CTNNA2: variants seen among roughly 807,000 people sequenced by gnomAD.
CTNNA2 encodes catenin alpha 2, also known as catenin alpha-2.
A neutral mutation model predicts 101.0 loss-of-function variants in CTNNA2; 42 were observed. That is an observed-to-expected ratio of 0.42 (90% CI 0.32 to 0.54). The LOEUF (loss-of-function observed/expected upper bound fraction) is 0.54. CTNNA2 is among the 20% of genes least tolerant of loss of function. CTNNA2 has a pLI of 0.14. For synonymous variants in CTNNA2, 450 were observed against 456.4 expected, an observed-to-expected ratio of 0.99 and a Z score of 0.18; for missense variants, 871 against 1,223.1, an observed-to-expected ratio of 0.71 and a Z score of 4.29.
intron 7 of CTNNA2, among the ~76,000 whole-genome samples, chr2:80,332,645 T>C (rs981077546): frequency 1.3e-5 from 2 of 152,192 alleles, no homozygotes; most frequent in African/African-American, 4.8e-5. Context: ...AGAAAACATT[T>C]AAGAAATCAA....
intron 9 of CTNNA2, among the ~76,000 whole-genome samples, chr2:80,429,693 T>C (rs1681313380): frequency 6.6e-6 from 1 of 152,202 alleles, no homozygotes; most frequent in African/African-American, 2.4e-5. Flanking sequence ...TGCAGAAGAA[T>C]TCTTATATAC....
At chr2:80,129,498 T>A (rs893940464) in intron 7 of CTNNA2, among the ~76,000 whole-genome samples, 12 of 152,112 alleles carry the variant, frequency 7.9e-5, no homozygotes, top group Non-Finnish European at 1.5e-4. Flanking sequence ...TATGTTGGAA[T>A]CCCTAGACAC....
chr2:79,806,796 C>G (rs919605742), intron 3 of CTNNA2, among the ~76,000 whole-genome samples: 3 of 152,000 alleles, frequency 2.0e-5, no homozygotes, highest in Non-Finnish European at 4.4e-5. Context: ...GGATAAGTCT[C>G]TTCTTGAGTT....
chr2:79,339,304 T>C (rs913844030), intron 3 of CTNNA2, among the ~76,000 whole-genome samples: 2 of 152,062 alleles, frequency 1.3e-5, no homozygotes, highest in East Asian at 3.9e-4. Context: ...GAGTGTTGAG[T>C]GCTGCCAAGA....
chr2:80,376,524 A>C (rs1675970038), intron 7 of CTNNA2, among the ~76,000 whole-genome samples: 1 of 152,028 alleles, frequency 6.6e-6, no homozygotes, highest in Admixed American at 6.5e-5. Context: ...TAGTTTTATT[A>C]GTGTTTTAGC....
chr2:80,591,751 G>A (rs1696531240), intron 15 of CTNNA2, among the ~76,000 whole-genome samples: 1 of 151,888 alleles, frequency 6.6e-6, no homozygotes, highest in East Asian at 1.9e-4. Flanking sequence ...TTATTATCTT[G>A]TTGTTTTATT....
intron 1 of CTNNA2, among the ~76,000 whole-genome samples, chr2:79,583,478 G>GAT (rs1199187165): frequency 5.1e-4 from 77 of 151,228 alleles, no homozygotes; most frequent in African/African-American, 1.6e-3. Flanking sequence ...GATTCTTGTT[G>GAT]ATATATATAT....
At chr2:79,895,691 A>ATTTTTTTTTT (rs757762487) in intron 6 of CTNNA2, among the ~76,000 whole-genome samples, 1 of 107,788 alleles carries the variant, frequency 9.3e-6, no homozygotes, top group Non-Finnish European at 1.8e-5. Flanking sequence ...GAAATTTCTT[A>ATTTTTTTTTT]ATTTTTTTTT....
chr2:80,206,591 G>T (rs1707551018), intron 7 of CTNNA2, among the ~76,000 whole-genome samples: 1 of 152,092 alleles, frequency 6.6e-6, no homozygotes, highest in African/African-American at 2.4e-5. Context: ...ATATAGTGCG[G>T]GCAGGGAGAA....
chr2:80,557,985 G>C (rs184975614), intron 12 of CTNNA2, among the ~76,000 whole-genome samples: 1 of 152,130 alleles, frequency 6.6e-6, no homozygotes, highest in African/African-American at 2.4e-5. Flanking sequence ...CTTAACTAAA[G>C]GCACCTTTCT....
At chr2:80,120,713 G>A (rs1239980788) in intron 7 of CTNNA2, among the ~76,000 whole-genome samples, 1 of 152,164 alleles carries the variant, frequency 6.6e-6, no homozygotes, top group African/African-American at 2.4e-5. Flanking sequence ...CACAAATCAT[G>A]ATGGCAAGTA....
intron 2 of CTNNA2, among the ~76,000 whole-genome samples, chr2:79,236,574 T>G (rs1459394647): frequency 6.6e-6 from 1 of 152,236 alleles, no homozygotes. Context: ...CTCTCTAGCA[T>G]TCAATGCTGT....
chr2:79,364,840 GA>G (rs1356256810), intron 3 of CTNNA2, among the ~76,000 whole-genome samples: 1 of 152,152 alleles, frequency 6.6e-6, no homozygotes, highest in Non-Finnish European at 1.5e-5. Flanking sequence ...GGAATATGCA[GA>G]AACTATTTCT....
chr2:80,617,588 TTTAA>T (rs1461840990), intron 17 of CTNNA2, among the ~76,000 whole-genome samples: 1 of 151,702 alleles, frequency 6.6e-6, no homozygotes, highest in Non-Finnish European at 1.5e-5. Context: ...TTCTATTTAC[TTTAA>T]TTCTTTAAAG....
At chr2:80,214,864 G>A (rs1034796698) in intron 7 of CTNNA2, among the ~76,000 whole-genome samples, 20 of 152,154 alleles carry the variant, frequency 1.3e-4, no homozygotes, top group Admixed American at 1.0e-3. Flanking sequence ...TTCCAACTTG[G>A]CTCCATTATC....
At chr2:79,442,432 T>C (rs1678787086) in intron 4 of CTNNA2, among the ~76,000 whole-genome samples, 1 of 152,202 alleles carries the variant, frequency 6.6e-6, no homozygotes, top group Non-Finnish European at 1.5e-5. Context: ...AAGCTCCCTA[T>C]GTTTCTTTGC....
chr2:80,139,851 G>T (rs1383845255), intron 7 of CTNNA2, among the ~76,000 whole-genome samples: 2 of 152,126 alleles, frequency 1.3e-5, no homozygotes, highest in East Asian at 3.9e-4. Flanking sequence ...AAGCATGTTT[G>T]CTTGCTCTTG....
intron 3 of CTNNA2, among the ~76,000 whole-genome samples, chr2:79,823,330 TAA>T (rs1678166604): frequency 6.6e-6 from 1 of 152,186 alleles, no homozygotes; most frequent in South Asian, 2.1e-4. Flanking sequence ...CTTTAGATTT[TAA>T]AATCTCATGA....
chr2:80,124,177 G>A lies in CTNNA2; in HGVS notation c.1056+214380G>A, dbSNP rs1436370100. On this transcript the variant is annotated intron_variant, in intron 7 of 18. Coordinates refer to ENST00000402739, the MANE Select transcript of CTNNA2 (RefSeq NM_001282597.3). ...AACGTCACTGAGCGAAGTCTTGGTGGCATGTCATGTTCCTTTTTGAGCTTT... is the reference window on the plus strand; with the variant it reads ...AACGTCACTGAGCGAAGTCTTGGTGACATGTCATGTTCCTTTTTGAGCTTT... 3.9e-5 allele frequency among the ~76,000 whole-genome samples: 6 copies of A among 152,118 alleles called. No homozygotes were observed. The East Asian group carries it at 1.2e-3, about 29-fold the overall frequency.
Sources: gnomAD v4.1 joint callset for allele counts (sites outside exome capture counted in the v4.1 genomes callset) on GRCh38, gnomAD v4.1.1 for gene constraint, MANE v1.5 for transcripts, NCBI Gene and HGNC (gene_info 2026-07-23, HGNC 2026-07-21) for gene names.